Variants in IKZF3 observed in about 807,000 individuals in gnomAD.
IKZF3 encodes zinc finger protein Aiolos.
In IKZF3, 10 loss-of-function variants were observed where a neutral mutation model predicts 49.0. The ratio of observed to expected loss-of-function variants is 0.20; its 90% CI spans 0.13 to 0.35. The LOEUF (loss-of-function observed/expected upper bound fraction) is 0.35. Ranked by LOEUF, IKZF3 falls within the 10% of genes least tolerant of loss-of-function variation. The pLI, the probability that IKZF3 is intolerant of heterozygous loss-of-function variation, is 1.00. For synonymous variants in IKZF3, 209 were observed against 228.2 expected (o/e 0.92, Z 0.76); for missense variants, 498 against 664.8 (o/e 0.75, Z 2.76).
Position 39,757,730 on chromosome 17 carries a change from C to T in IKZF3, c.*8060G>A, listed in dbSNP as rs1387952921. Reference sequence around the variant, plus strand: ...GCACAAGGACTAATTTCAAACATACCAGGATTTTTTTATTTTTCAGTGTAA... The same window carrying T: ...GCACAAGGACTAATTTCAAACATACTAGGATTTTTTTATTTTTCAGTGTAA... On this transcript the variant is annotated 3_prime_UTR_variant, in exon 8 of 8. Transcript: ENST00000346872. The T allele has an allele frequency of 6.6e-6, 1 of 152,146 alleles. No individual in the cohort carries two copies. Among genetic ancestry groups the T allele is most frequent in the Non-Finnish European group, 1.5e-5 (1 of 68,018 alleles). The allele number at this position is 152,146 out of a possible 1,614,324, so 9.4% of individuals were successfully genotyped here.
At chr17:39,783,860 C>A (rs780177815) in intron 6 of IKZF3, among the ~76,000 whole-genome samples, 1 of 151,982 alleles carries the variant, frequency 6.6e-6, no homozygotes, top group Non-Finnish European at 1.5e-5. Context: ...ACCCAGAAGG[C>A]GGAGGTTGCG....
In IKZF3 at chr17:39,765,899, T is replaced by C; in HGVS notation, c.1421A>G (p.His474Arg). 1 of 1,614,256 alleles carries C rather than the reference T, an allele frequency of 6.2e-7. No homozygotes were observed. Among genetic ancestry groups the C allele is most frequent in the Non-Finnish European group, 8.5e-7 (1 of 1,180,054 alleles). ...YVMFTIHMGC[H>R]GFRDPFECNM... ...ACACTCGAAAGGGTCACGGAAGCCG[T>C]GGCAGCCCATGTGAATCGTGAACAT... The change falls in exon 8 of 8, where the codon CAC (histidine) becomes CGC (arginine). Residue 474 changes from histidine (H) to arginine (R), a missense_variant. Coordinates refer to ENST00000346872, the MANE Select transcript of IKZF3 (RefSeq NM_012481.5).
intron 6 of IKZF3, among the ~76,000 whole-genome samples, chr17:39,782,852 G>T (rs2143785961): frequency 6.6e-6 from 1 of 152,228 alleles, no homozygotes; most frequent in East Asian, 1.9e-4. Context: ...CACATTGCTT[G>T]CCTACTAAAT....
chr17:39,857,546 TG>T (rs573763855), intron 1 of IKZF3, among the ~76,000 whole-genome samples: 1 of 152,124 alleles, frequency 6.6e-6, no homozygotes, highest in Non-Finnish European at 1.5e-5. Context: ...TTGTATTTTG[TG>T]GGGGGCATGG....
At chr17:39,816,445 G>C (rs1385229058) in intron 3 of IKZF3, among the ~76,000 whole-genome samples, 2 of 152,128 alleles carry the variant, frequency 1.3e-5, no homozygotes, top group Non-Finnish European at 2.9e-5. Context: ...CCAACCCACT[G>C]CCTATTTTTG....
At chr17:39,841,600 A>G (rs1040812201) in intron 1 of IKZF3, among the ~76,000 whole-genome samples, 4 of 152,266 alleles carry the variant, frequency 2.6e-5, no homozygotes, top group African/African-American at 9.6e-5. Context: ...GACTGGTTGT[A>G]TTACATAGTG....
At chr17:39,827,309 T>G (rs906743826) in intron 3 of IKZF3, among the ~76,000 whole-genome samples, 2 of 151,456 alleles carry the variant, frequency 1.3e-5, no homozygotes, top group African/African-American at 4.9e-5. Context: ...TTGTTGTTCT[T>G]TTGAGACAGG....
chr17:39,759,348 A>T lies in IKZF3; in HGVS notation c.*6442T>A, dbSNP rs544239033. 6.6e-6 allele frequency: 1 copy of T among 152,124 alleles called. No individual in the cohort carries two copies. Among genetic ancestry groups the T allele is most frequent in the African/African-American group, 2.4e-5 (1 of 41,436 alleles). The allele number at this position is 152,124 out of a possible 1,614,324, so 9.4% of individuals were successfully genotyped here. On this transcript the variant is annotated 3_prime_UTR_variant, in exon 8 of 8. Transcript: ENST00000346872. ...GGAGGATGGCTCGTTGCTTGAGCCC[A>T]GGAGGTTGAGGCGGCAAGTAAGCCT...
Position 39,841,167 on chromosome 17 carries a change from T to C in IKZF3, c.8-9016A>G, listed in dbSNP as rs1542330. 2.8e-4 allele frequency among the ~76,000 whole-genome samples: 42 copies of C among 150,924 alleles called. No individual in the cohort carries two copies. In the South Asian group the frequency reaches 5.0e-3, roughly 18 times the overall value. ...AGTCCAGCCTGGGCAACAGAGAGAT[T>C]CTGTCTGGAACAAAAAAAAAAAGGC... On this transcript the variant is annotated intron_variant, in intron 1 of 7. Transcript: ENST00000346872.
At chr17:39,786,765 T>G (rs1039307403) in intron 6 of IKZF3, among the ~76,000 whole-genome samples, 1 of 152,112 alleles carries the variant, frequency 6.6e-6, no homozygotes, top group East Asian at 1.9e-4. Flanking sequence ...GACCTGTTTG[T>G]TTTTTATAAG....
intron 3 of IKZF3, among the ~76,000 whole-genome samples, chr17:39,816,057 A>G (rs958723764): frequency 3.3e-5 from 5 of 152,224 alleles, no homozygotes; most frequent in African/African-American, 1.2e-4. Context: ...GTGGGATAGT[A>G]TAAAAAGGCC....
intron 1 of IKZF3, among the ~76,000 whole-genome samples, chr17:39,845,903 C>T (rs2062618682): frequency 6.6e-6 from 1 of 152,112 alleles, no homozygotes; most frequent in African/African-American, 2.4e-5. Flanking sequence ...AAATATCGAC[C>T]ACAGGATATC....
intron 1 of IKZF3, among the ~76,000 whole-genome samples, chr17:39,863,817 C>G (rs1371079997): frequency 6.6e-6 from 1 of 152,100 alleles, no homozygotes; most frequent in African/African-American, 2.4e-5. Context: ...CCCAGATTTG[C>G]AGCCATTTCA....
At chr17:39,823,676 T>C (rs2061872707) in intron 3 of IKZF3, among the ~76,000 whole-genome samples, 1 of 152,068 alleles carries the variant, frequency 6.6e-6, no homozygotes. Context: ...TCCAGCTGCA[T>C]CTAAAAGGGG....
chr17:39,836,886 GA>G (rs2062301024), intron 1 of IKZF3, among the ~76,000 whole-genome samples: 1 of 152,048 alleles, frequency 6.6e-6, no homozygotes, highest in Admixed American at 6.6e-5. Flanking sequence ...AGATTAAAAT[GA>G]AAAAATAGTA....
At chr17:39,779,689 G>A (rs1333399491) in intron 6 of IKZF3, among the ~76,000 whole-genome samples, 3 of 127,788 alleles carry the variant, frequency 2.3e-5, no homozygotes, top group Non-Finnish European at 3.2e-5. Flanking sequence ...TTTTAAAAAC[G>A]TAAAAATCCC....
chr17:39,791,468 G>A lies in IKZF3; in HGVS notation c.540C>T (p.Asn180=), dbSNP rs993322499. The A allele has an allele frequency of 6.2e-7, 1 of 1,614,014 alleles. No homozygotes were observed. Among genetic ancestry groups the A allele is most frequent in the Non-Finnish European group, 8.5e-7 (1 of 1,179,986 alleles). Residue 180 remains asparagine, a synonymous_variant, in exon 5 of 8, where the codon AAC becomes AAT. Transcript: ENST00000346872. ...GEKPFKCHLC[N]YACQRRDALT... is the part of the protein sequence containing the mutation. ...GCGCATCTCTTCTTTGGCATGCATA[G>A]TTGCAGAGGTGACACTTAAAAGGTT...
chr17:39,824,561 T>G (rs2061905764), intron 3 of IKZF3, among the ~76,000 whole-genome samples: 3 of 152,136 alleles, frequency 2.0e-5, no homozygotes, highest in Admixed American at 6.5e-5. Flanking sequence ...CATCTTGAAT[T>G]GTAACCCCCA....
intron 1 of IKZF3, chr17:39,835,818 T>C (rs2062261159): frequency 5.6e-6 from 3 of 538,530 alleles, no homozygotes; most frequent in South Asian, 1.6e-5. Context: ...CACATCCTTC[T>C]TGATGAGGAC....
Sources: allele counts gnomAD v4.1 joint callset (sites outside exome capture counted in the v4.1 genomes callset), GRCh38; gene constraint gnomAD v4.1.1; transcripts MANE v1.5; gene names NCBI Gene and HGNC (gene_info 2026-07-23, HGNC 2026-07-21).